Variants in NKAIN2 observed in about 807,000 individuals in gnomAD.
The protein encoded by NKAIN2 is sodium/potassium-transporting ATPase subunit beta-1-interacting protein 2.
Under a neutral mutation model 32.6 loss-of-function variants are expected in NKAIN2, and 14 were observed. The observed-to-expected ratio is 0.43, with a 90% CI of 0.28 to 0.67. The LOEUF (loss-of-function observed/expected upper bound fraction) is 0.67. NKAIN2 is among the 30% of genes least tolerant of loss of function. The pLI, the probability that NKAIN2 is intolerant of heterozygous loss-of-function variation, is 0.17. For synonymous variants in NKAIN2, 80 were observed against 87.2 expected, an observed-to-expected ratio of 0.92 and a Z score of 0.46; for missense variants, 198 against 258.3, an observed-to-expected ratio of 0.77 and a Z score of 1.60.
chr6:124,379,135 GGGGAGGGGAGGGAGGGA>G (rs1418469468), intron 3 of NKAIN2, among the ~76,000 whole-genome samples: 3 of 62,352 alleles, frequency 4.8e-5, no homozygotes, highest in Non-Finnish European at 1.0e-4. Context: ...GGGGAGGAGA[GGGGAGGGGAGGGAGGGA>G]GGGAGGGGAG....
chr6:124,579,643 G>T (rs1443081463), intron 3 of NKAIN2, among the ~76,000 whole-genome samples: 1 of 152,170 alleles, frequency 6.6e-6, no homozygotes, highest in Admixed American at 6.5e-5. Flanking sequence ...GGTAGAGAGA[G>T]AGATAGGGGT....
At chr6:124,023,323 T>G (rs1289670224) in intron 1 of NKAIN2, among the ~76,000 whole-genome samples, 1 of 152,018 alleles carries the variant, frequency 6.6e-6, no homozygotes, top group Non-Finnish European at 1.5e-5. Context: ...TTGATTTCCT[T>G]CCTCTCTTAT....
intron 2 of NKAIN2, among the ~76,000 whole-genome samples, chr6:124,283,673 A>C (rs1795412079): frequency 6.6e-6 from 1 of 152,126 alleles, no homozygotes; most frequent in Non-Finnish European, 1.5e-5. Context: ...TTGCATTCCC[A>C]CTCAAGTTAA....
intron 1 of NKAIN2, among the ~76,000 whole-genome samples, chr6:124,124,693 G>T (rs544246169): frequency 5.3e-5 from 8 of 152,128 alleles, no homozygotes; most frequent in African/African-American, 1.9e-4. Flanking sequence ...TCTTTGTATT[G>T]TTTTTTCTTC....
intron 1 of NKAIN2, among the ~76,000 whole-genome samples, chr6:124,108,547 A>T (rs943744445): frequency 5.9e-5 from 9 of 152,014 alleles, no homozygotes; most frequent in Admixed American, 2.0e-4. Flanking sequence ...AGTTTGATAT[A>T]GTCTTACTTG....
At chr6:124,701,413 A>T (rs1394750724) in intron 4 of NKAIN2, among the ~76,000 whole-genome samples, 1 of 152,096 alleles carries the variant, frequency 6.6e-6, no homozygotes, top group Non-Finnish European at 1.5e-5. Context: ...TGAAAAATAT[A>T]CTCAGAAGAG....
intron 3 of NKAIN2, among the ~76,000 whole-genome samples, chr6:124,475,762 T>G (rs1458887402): frequency 6.6e-6 from 1 of 152,184 alleles, no homozygotes; most frequent in Non-Finnish European, 1.5e-5. Context: ...ACTGCCTTAC[T>G]TGAATAGAGT....
intron 1 of NKAIN2, among the ~76,000 whole-genome samples, chr6:123,856,058 T>C (rs149088743): frequency 7.4e-4 from 113 of 152,374 alleles, no homozygotes; most frequent in African/African-American, 2.6e-3. Context: ...GGTTAAGATG[T>C]TGCCTATATC....
chr6:124,661,150 C>T (rs182443163), intron 4 of NKAIN2, among the ~76,000 whole-genome samples: 6 of 152,300 alleles, frequency 3.9e-5, no homozygotes, highest in East Asian at 1.9e-4. Flanking sequence ...AAAGCACAAA[C>T]GAGGTGCAAA....
At chr6:123,972,123 C>A (rs1778373235) in intron 1 of NKAIN2, among the ~76,000 whole-genome samples, 2 of 152,110 alleles carry the variant, frequency 1.3e-5, no homozygotes, top group Admixed American at 6.6e-5. Flanking sequence ...ACATTGTTTT[C>A]TCTAGCTTAC....
intron 3 of NKAIN2, among the ~76,000 whole-genome samples, chr6:124,396,139 T>G (rs2114435994): frequency 6.6e-6 from 1 of 152,204 alleles, no homozygotes; most frequent in East Asian, 1.9e-4. Flanking sequence ...GGACTTTATC[T>G]TATTAAACAG....
At chr6:123,883,747 T>A (rs1364353128) in intron 1 of NKAIN2, among the ~76,000 whole-genome samples, 1 of 150,094 alleles carries the variant, frequency 6.7e-6, no homozygotes, top group Non-Finnish European at 1.5e-5. Flanking sequence ...ACCTCTTTTT[T>A]AAAAAAAATT....
At chr6:124,334,327 C>G (rs1414363633) in intron 2 of NKAIN2, among the ~76,000 whole-genome samples, 2 of 152,156 alleles carry the variant, frequency 1.3e-5, no homozygotes, top group Non-Finnish European at 2.9e-5. Context: ...TGCCTGCTCC[C>G]CAGACAGAGT....
intron 1 of NKAIN2, among the ~76,000 whole-genome samples, chr6:124,153,254 A>G (rs1362909276): frequency 6.6e-6 from 1 of 151,914 alleles, no homozygotes; most frequent in Non-Finnish European, 1.5e-5. Context: ...TATCACATGC[A>G]ACCCCAGAAT....
chr6:123,934,320 T>C (rs369906766), intron 1 of NKAIN2, among the ~76,000 whole-genome samples: 18 of 152,268 alleles, frequency 1.2e-4, no homozygotes, highest in Admixed American at 5.2e-4. Context: ...CTCATGCCAT[T>C]ATCCTCAATC....
At chr6:123,888,529 A>G (rs1338643227) in intron 1 of NKAIN2, among the ~76,000 whole-genome samples, 2 of 152,154 alleles carry the variant, frequency 1.3e-5, no homozygotes, top group Non-Finnish European at 2.9e-5. Context: ...AGCCTCTGTT[A>G]ATATTGTATT....
At chr6:124,136,198 C>A (rs1425812838) in intron 1 of NKAIN2, among the ~76,000 whole-genome samples, 1 of 151,904 alleles carries the variant, frequency 6.6e-6, no homozygotes, top group Non-Finnish European at 1.5e-5. Flanking sequence ...GATATTACAA[C>A]CAATACCACA....
At chr6:124,515,997 T>G (rs957994007) in intron 3 of NKAIN2, among the ~76,000 whole-genome samples, 1 of 152,144 alleles carries the variant, frequency 6.6e-6, no homozygotes, top group East Asian at 1.9e-4. Context: ...TTCATAGTTA[T>G]GCGATGATTT....
intron 4 of NKAIN2, among the ~76,000 whole-genome samples, chr6:124,768,875 A>G (rs1266844428): frequency 6.6e-6 from 1 of 152,120 alleles, no homozygotes; most frequent in Non-Finnish European, 1.5e-5. Context: ...TGATGCAAAC[A>G]CCATTTAAAA....
Sources: gnomAD v4.1 joint callset for allele counts (sites outside exome capture counted in the v4.1 genomes callset) on GRCh38, gnomAD v4.1.1 for gene constraint, MANE v1.5 for transcripts, NCBI Gene and HGNC (gene_info 2026-07-23, HGNC 2026-07-21) for gene names.